Variants in APP observed in about 807,000 individuals in gnomAD.
APP encodes the protein amyloid-beta precursor protein.
A neutral mutation model predicts 101.4 loss-of-function variants in APP; 31 were observed. The observed-to-expected ratio is 0.31, with a 90% CI of 0.23 to 0.41. The LOEUF is 0.41. APP is among the 10% of genes least tolerant of loss of function. APP has a pLI of 1.00. For missense variants in APP, 839 were observed against 1,003.7 expected, an observed-to-expected ratio of 0.84 and a Z score of 2.22; for synonymous variants, 366 against 364.4, an observed-to-expected ratio of 1.00 and a Z score of -0.05.
intron 1 of APP, among the ~76,000 whole-genome samples, chr21:26,143,342 A>G (rs1334287871): frequency 6.6e-5 from 10 of 152,326 alleles, no homozygotes; most frequent in South Asian, 2.1e-4. Flanking sequence ...TTGATAATCA[A>G]AAGTTATTAT....
intron 1 of APP, among the ~76,000 whole-genome samples, chr21:26,157,800 T>C (rs1395709713): frequency 6.6e-6 from 1 of 152,258 alleles, no homozygotes; most frequent in African/African-American, 2.4e-5. Context: ...CTTCCCATTC[T>C]GTTTCAATAA....
chr21:26,111,562 C>G (rs2062324470), intron 2 of APP, among the ~76,000 whole-genome samples: 1 of 151,478 alleles, frequency 6.6e-6, no homozygotes, highest in African/African-American at 2.4e-5. Context: ...ACAAGGAGAC[C>G]CCATCTCTAC....
intron 5 of APP, among the ~76,000 whole-genome samples, chr21:26,028,246 C>T (rs2044669581): frequency 1.3e-5 from 2 of 151,366 alleles, no homozygotes; most frequent in Non-Finnish European, 1.5e-5. Flanking sequence ...CTATAAATCA[C>T]AATCTTGATC....
At chr21:25,887,840 C>A (rs903729421) in intron 17 of APP, among the ~76,000 whole-genome samples, 1 of 152,174 alleles carries the variant, frequency 6.6e-6, no homozygotes, top group Non-Finnish European at 1.5e-5. Context: ...GATTTATGTA[C>A]ATGTACTTTA....
intron 1 of APP, among the ~76,000 whole-genome samples, chr21:26,119,645 T>C (rs747353214): frequency 3.3e-5 from 5 of 152,134 alleles, no homozygotes; most frequent in African/African-American, 9.7e-5. Flanking sequence ...ATACCTGCTA[T>C]ACAGCTACTT....
chr21:25,986,414 C>T (rs2042638263), intron 8 of APP, among the ~76,000 whole-genome samples: 1 of 152,108 alleles, frequency 6.6e-6, no homozygotes, highest in Non-Finnish European at 1.5e-5. Context: ...CTGATAAAGG[C>T]TAGGATTTCG....
chr21:25,900,436 G>A (rs2038378951), intron 15 of APP, among the ~76,000 whole-genome samples: 1 of 145,086 alleles, frequency 6.9e-6, no homozygotes, highest in Admixed American at 7.0e-5. Flanking sequence ...GCGGGTGCCT[G>A]TAATCCCAGC....
chr21:26,078,736 T>C (rs183436330), intron 3 of APP, among the ~76,000 whole-genome samples: 19 of 152,284 alleles, frequency 1.2e-4, no homozygotes, highest in South Asian at 4.1e-4. Context: ...ATTTACTGGC[T>C]TGAATGGTTA....
chr21:26,109,719 G>C (rs1342159210), intron 2 of APP, among the ~76,000 whole-genome samples: 4 of 510 alleles, frequency 7.8e-3, no homozygotes, highest in South Asian at 0.25. Context: ...GGGTCAAGAA[G>C]AGTAATTTTT....
intron 11 of APP, among the ~76,000 whole-genome samples, chr21:25,972,265 A>C (rs922138634): frequency 6.6e-6 from 1 of 152,206 alleles, no homozygotes; most frequent in Non-Finnish European, 1.5e-5. Flanking sequence ...GGGCAGACTG[A>C]ATGATACCAT....
At chr21:26,023,210 A>G (rs2044421412) in intron 5 of APP, among the ~76,000 whole-genome samples, 1 of 152,110 alleles carries the variant, frequency 6.6e-6, no homozygotes, top group Non-Finnish European at 1.5e-5. Context: ...GAGCATCAGA[A>G]TCACCTGGAA....
chr21:26,053,117 G>C (rs1175014053), intron 4 of APP, 119 bp downstream of exon 4: 2 of 838,544 alleles, frequency 2.4e-6, no homozygotes, highest in Non-Finnish European at 4.1e-6. Flanking sequence ...GTAGCACTGG[G>C]TTTTTTTCTT....
At chr21:26,153,217 A>G (rs2063313720) in intron 1 of APP, among the ~76,000 whole-genome samples, 1 of 152,176 alleles carries the variant, frequency 6.6e-6, no homozygotes, top group Admixed American at 6.5e-5. Context: ...ACTTAAGTGC[A>G]CTAAAATCTC....
At chr21:25,899,363 T>C (rs1317786238) in intron 15 of APP, among the ~76,000 whole-genome samples, 1 of 152,212 alleles carries the variant, frequency 6.6e-6, no homozygotes, top group Non-Finnish European at 1.5e-5. Context: ...CTTGATTCCC[T>C]TCCTTCGAAT....
chr21:25,942,446 T>G (rs1207698915), intron 13 of APP: 1 of 152,196 alleles, frequency 6.6e-6, no homozygotes, highest in African/African-American at 2.4e-5. Context: ...CTAATAAATT[T>G]CAGCAAACGA....
chr21:26,026,453 C>G (rs896647771), intron 5 of APP, among the ~76,000 whole-genome samples: 10 of 152,246 alleles, frequency 6.6e-5, no homozygotes, highest in Non-Finnish European at 1.0e-4. Flanking sequence ...AATGACATCA[C>G]AAAGGTGACT....
chr21:26,041,156 G>A (rs888011120), intron 5 of APP, among the ~76,000 whole-genome samples: 1 of 152,186 alleles, frequency 6.6e-6, no homozygotes, highest in African/African-American at 2.4e-5. Flanking sequence ...GTAAGTTACT[G>A]GTACTAGTTT....
rs192012366 is a variant in APP, at chr21:25,900,535, G to A, written c.1964-2862C>T. Among the ~76,000 whole-genome samples the A allele has an allele frequency of 5.3e-5, 8 of 152,126 alleles. No homozygotes were observed. In the East Asian group the frequency reaches 1.5e-3, roughly 29 times the overall value. On this transcript the variant is annotated intron_variant, in intron 15 of 17. Transcript: ENST00000346798. ...AGATTGTGCCACTGCACTCCAGCCT[G>A]GGTGACAGAATGAGACTCTGTCTCC...
chr21:26,125,535 A>T (rs1160302061), intron 1 of APP, among the ~76,000 whole-genome samples: 1 of 152,146 alleles, frequency 6.6e-6, no homozygotes, highest in Non-Finnish European at 1.5e-5. Context: ...GGAGGTAGGG[A>T]AGATTCTAAG....
Sources: allele counts gnomAD v4.1 joint callset (sites outside exome capture counted in the v4.1 genomes callset), GRCh38; gene constraint gnomAD v4.1.1; transcripts MANE v1.5; gene names NCBI Gene and HGNC (gene_info 2026-07-23, HGNC 2026-07-21).